The following PTPRD variants were observed in gnomAD, a reference collection of about 807,000 sequenced individuals.
PTPRD encodes receptor-type tyrosine-protein phosphatase delta.
Under a neutral mutation model 214.5 loss-of-function variants are expected in PTPRD, and 34 were observed. That is an observed-to-expected ratio of 0.16 (90% CI 0.12 to 0.21). The LOEUF is 0.21. PTPRD is among the 10% of genes least tolerant of loss of function. PTPRD has a pLI of 1.00. For missense variants in PTPRD, 2,545 were observed against 2,398.7 expected (o/e 1.06, Z -1.27); for synonymous variants, 1,128 against 845.7 (o/e 1.33, Z -5.79).
At chr9:10,248,312 C>G (rs760393597) in intron 3 of PTPRD, among the ~76,000 whole-genome samples, 2 of 151,888 alleles carry the variant, frequency 1.3e-5, no homozygotes, top group Admixed American at 1.3e-4. Flanking sequence ...TACTTAAGAA[C>G]ATACATAAAA....
At chr9:9,872,905 AG>A (rs1332465135) in intron 5 of PTPRD, among the ~76,000 whole-genome samples, 1 of 152,168 alleles carries the variant, frequency 6.6e-6, no homozygotes, top group African/African-American at 2.4e-5. Context: ...CCGCAAGCAG[AG>A]GGCCTGATTA....
chr9:8,738,462 G>T (rs2091055618), intron 11 of PTPRD, among the ~76,000 whole-genome samples: 3 of 151,816 alleles, frequency 2.0e-5, no homozygotes, highest in Admixed American at 2.0e-4. Flanking sequence ...TTAGAAAATG[G>T]CAGATTATAG....
chr9:8,883,495 C>T (rs1040919911), intron 11 of PTPRD, among the ~76,000 whole-genome samples: 3 of 152,158 alleles, frequency 2.0e-5, no homozygotes, highest in African/African-American at 7.2e-5. Context: ...ACAAAGGGCA[C>T]AGATGACAAT....
At chr9:8,433,399 T>C (rs890982645) in intron 35 of PTPRD, among the ~76,000 whole-genome samples, 6 of 152,204 alleles carry the variant, frequency 3.9e-5, no homozygotes, top group Non-Finnish European at 8.8e-5. Flanking sequence ...TGCACTCCTT[T>C]TATTAAAATA....
intron 34 of PTPRD, among the ~76,000 whole-genome samples, chr9:8,443,877 G>T (rs764769676): frequency 1.3e-5 from 2 of 152,032 alleles, no homozygotes; most frequent in African/African-American, 4.8e-5. Context: ...GGAAAAAGAA[G>T]AAAAATGAAC....
In PTPRD at chr9:10,455,000, T is replaced by C. The variant is rs553492954; in HGVS notation, c.-599-113983A>G. ...TTAGAATATTTTCTCCAGAGATGCA[T>C]AGTGTATATTTGACTTTTTAAGAAT... On this transcript the variant is annotated intron_variant, in intron 2 of 45. Coordinates refer to ENST00000381196, the MANE Select transcript of PTPRD (RefSeq NM_002839.4). Among the ~76,000 whole-genome samples the C allele has an allele frequency of 2.0e-5, 3 of 151,856 alleles. No individual in the cohort carries two copies. The East Asian group carries it at 5.8e-4, about 29-fold the overall frequency.
chr9:8,331,860 A>T, intron 43 of PTPRD, 124 bp from the exon 44 acceptor site: 1 of 1,170,422 alleles, frequency 8.5e-7, no homozygotes, highest in African/African-American at 1.6e-5. Flanking sequence ...AAAGTTAGGA[A>T]CATGTTTAAA....
chr9:10,508,868 C>T (rs2046998745), intron 2 of PTPRD, among the ~76,000 whole-genome samples: 1 of 152,012 alleles, frequency 6.6e-6, no homozygotes, highest in African/African-American at 2.4e-5. Flanking sequence ...AGGTGCAGCA[C>T]ACCAACATGG....
chr9:8,797,453 T>C (rs1382962069), intron 11 of PTPRD, among the ~76,000 whole-genome samples: 2 of 152,218 alleles, frequency 1.3e-5, no homozygotes, highest in Non-Finnish European at 2.9e-5. Flanking sequence ...CTTGATGATA[T>C]GCAAAAAGGA....
chr9:8,373,864 GTCTATCTATCTA>G (rs368216657), intron 39 of PTPRD, among the ~76,000 whole-genome samples: 37,239 of 107,296 alleles, frequency 0.35, 6,749 homozygotes, highest in Non-Finnish European at 0.42. Flanking sequence ...GTGTCTGTCT[GTCTATCTATCTA>G]TCTATCTATC....
intron 14 of PTPRD, among the ~76,000 whole-genome samples, chr9:8,610,162 T>G (rs1183571905): frequency 6.6e-6 from 1 of 152,184 alleles, no homozygotes; most frequent in Non-Finnish European, 1.5e-5. Context: ...TCATCATTAT[T>G]ATTTGTTGTT....
intron 14 of PTPRD, among the ~76,000 whole-genome samples, chr9:8,567,366 TC>T (rs1430793656): frequency 6.6e-6 from 1 of 152,158 alleles, no homozygotes; most frequent in Admixed American, 6.6e-5. Context: ...AAAATAATCT[TC>T]CCTGACCTCT....
At chr9:8,329,917 A>G (rs1487010202) in intron 44 of PTPRD, among the ~76,000 whole-genome samples, 1 of 147,578 alleles carries the variant, frequency 6.8e-6, no homozygotes, top group Non-Finnish European at 1.5e-5. Flanking sequence ...TCGCAGTGAG[A>G]TTTTCAAGCC....
chr9:9,469,795 A>T (rs1780602006), intron 8 of PTPRD, among the ~76,000 whole-genome samples: 1 of 152,186 alleles, frequency 6.6e-6, no homozygotes, highest in Non-Finnish European at 1.5e-5. Context: ...TATATATTAT[A>T]TGCAAATTGA....
At chr9:9,192,652 CCA>C (rs1245020745) in intron 9 of PTPRD, among the ~76,000 whole-genome samples, 13 of 152,006 alleles carry the variant, frequency 8.6e-5, no homozygotes, top group Non-Finnish European at 1.8e-4. Flanking sequence ...CTGCCTGAAA[CCA>C]GAGCTGCACC....
intron 31 of PTPRD, among the ~76,000 whole-genome samples, chr9:8,465,960 T>C (rs776876524): frequency 5.3e-5 from 8 of 151,872 alleles, no homozygotes; most frequent in Non-Finnish European, 1.2e-4. Flanking sequence ...CCTACACTAA[T>C]GAAATTCTCT....
intron 3 of PTPRD, among the ~76,000 whole-genome samples, chr9:10,212,092 T>C (rs2099520132): frequency 1.3e-5 from 2 of 152,150 alleles, no homozygotes; most frequent in African/African-American, 4.8e-5. Context: ...CAATTCTATC[T>C]AGCAGACATT....
intron 4 of PTPRD, among the ~76,000 whole-genome samples, chr9:9,950,371 A>T (rs1566650741): frequency 6.6e-6 from 1 of 152,110 alleles, no homozygotes; most frequent in East Asian, 1.9e-4. Flanking sequence ...TGGTGGAGAA[A>T]TTTCTCACTT....
intron 8 of PTPRD, among the ~76,000 whole-genome samples, chr9:9,536,918 G>C (rs958095085): frequency 1.3e-5 from 2 of 152,050 alleles, no homozygotes; most frequent in South Asian, 4.1e-4. Context: ...GAGTGGAAAG[G>C]GTAGTGTAGT....
Sources: gnomAD v4.1 joint callset for allele counts (sites outside exome capture counted in the v4.1 genomes callset) on GRCh38, gnomAD v4.1.1 for gene constraint, MANE v1.5 for transcripts, NCBI Gene and HGNC (gene_info 2026-07-23, HGNC 2026-07-21) for gene names.